KANSL3: variants seen among roughly 807,000 people sequenced by gnomAD.
The protein encoded by KANSL3 is KAT8 regulatory NSL complex subunit 3.
KANSL3 carries 16 observed loss-of-function variants against 89.2 expected under a neutral mutation model. The ratio of observed to expected loss-of-function variants is 0.18; its 90% CI spans 0.12 to 0.27. The LOEUF is 0.27. Among genes scored for constraint, KANSL3 ranks in the 10% least tolerant of loss-of-function variants. The probability of loss-of-function intolerance (pLI) is 1.00; values close to 1 mark genes in which losing one functional copy is unlikely to be tolerated. For missense variants in KANSL3, 879 were observed against 1,110.6 expected, an observed-to-expected ratio of 0.79 and a Z score of 2.96; for synonymous variants, 385 against 419.7, an observed-to-expected ratio of 0.92 and a Z score of 1.01.
chr2:96,621,565 G>A (rs898052179), intron 3 of KANSL3, among the ~76,000 whole-genome samples: 1 of 151,694 alleles, frequency 6.6e-6, no homozygotes, highest in African/African-American at 2.4e-5. Context: ...GCATGTGCCT[G>A]TAGTTCCAGA....
intron 11 of KANSL3, chr2:96,610,524 C>T: frequency 2.1e-6 from 1 of 474,178 alleles, no homozygotes; most frequent in Non-Finnish European, 3.8e-6. Flanking sequence ...ACCGTGTTAG[C>T]CAGGATGGTC....
At chr2:96,632,666 T>A (rs887214448) in intron 2 of KANSL3, among the ~76,000 whole-genome samples, 3 of 152,104 alleles carry the variant, frequency 2.0e-5, no homozygotes, top group African/African-American at 7.2e-5. Flanking sequence ...TGGAGAAAAG[T>A]GGCTAACAAG....
intron 14 of KANSL3, among the ~76,000 whole-genome samples, chr2:96,607,441 A>C (rs2068171460): frequency 6.6e-6 from 1 of 152,000 alleles, no homozygotes; most frequent in Admixed American, 6.6e-5. Flanking sequence ...CAGCCTTCCA[A>C]ACTCCTTAGA....
At position 96,612,883 on chromosome 2, in the gene KANSL3, T is replaced by A; in HGVS notation, c.847A>T (p.Ser283Cys). 6.4e-7 allele frequency: 1 copy of A among 1,572,166 alleles called. No homozygotes were observed. Among genetic ancestry groups the A allele is most frequent in the Non-Finnish European group, 8.6e-7 (1 of 1,158,956 alleles). ...LILIASSGPS[S>C]SVFPTSRRHR... ...CGGCGTGAAGTGGGAAACACAGAGCTGGAGGGACCAGAGGAGGCGATGAGA... is the reference window on the plus strand; with the variant it reads ...CGGCGTGAAGTGGGAAACACAGAGCAGGAGGGACCAGAGGAGGCGATGAGA... Residue 283 changes from serine (S) to cysteine (C), a missense_variant, in exon 7 of 21, where the codon AGC becomes TGC. Ser to Cys is a moderately radical substitution (Grantham distance 112). This residue lies in a region of KANSL3 where 198 missense variants were observed against 260.3 expected (regional missense o/e 0.76). Coordinates refer to ENST00000431828, the MANE Select transcript of KANSL3 (RefSeq NM_001115016.3).
intron 14 of KANSL3, 41 bp downstream of exon 14, chr2:96,608,467 G>T: frequency 6.2e-7 from 1 of 1,609,164 alleles, no homozygotes; most frequent in Non-Finnish European, 8.5e-7. Context: ...ATGAACTACA[G>T]AAGACAGACC....
At chr2:96,603,862 G>A (rs546726011) in intron 17 of KANSL3, 57 of 158,314 alleles carry the variant, frequency 3.6e-4, no homozygotes, top group African/African-American at 9.3e-4. Flanking sequence ...GAATTCCAAC[G>A]GTATGACATA....
At chr2:96,608,713 G>A (rs2068380829) in intron 13 of KANSL3, 49 bp from the exon 14 acceptor site, 1 of 1,609,786 alleles carries the variant, frequency 6.2e-7, no homozygotes, top group Middle Eastern at 1.7e-4. Context: ...ACTAGGATCT[G>A]ACCATGAGTC....
intron 5 of KANSL3, among the ~76,000 whole-genome samples, chr2:96,617,094 C>T (rs2070294158): frequency 6.6e-6 from 1 of 152,136 alleles, no homozygotes; most frequent in Non-Finnish European, 1.5e-5. Context: ...TCTGGGCCAC[C>T]ACTCTCTGTC....
At chr2:96,602,068 G>A in intron 19 of KANSL3, 48 bp downstream of exon 19, 2 of 1,510,576 alleles carry the variant, frequency 1.3e-6, no homozygotes, top group Non-Finnish European at 1.8e-6. Context: ...GGTCCTGGGG[G>A]AAAGATCCCA....
At position 96,637,197 on chromosome 2, in the gene KANSL3, A is replaced by G; in HGVS notation, c.-50-12T>C. ...TGCATGCTAGTCACCTGCAGTGAAA[A>G]GTTTCAGTTTAGGTCAATTCCAATA... On this transcript the variant is annotated splice_polypyrimidine_tract_variant and intron_variant, in intron 1 of 20. Transcript: ENST00000431828. The G allele has an allele frequency of 6.2e-6, 7 of 1,132,598 alleles. No homozygotes were observed. Among genetic ancestry groups the G allele is most frequent in the Non-Finnish European group, 8.9e-6 (7 of 784,394 alleles). The allele number at this position is 1,132,598 out of a possible 1,614,324, so 70.2% of individuals were successfully genotyped here.
downstream of KANSL3, among the ~76,000 whole-genome samples, chr2:96,588,937 A>G (rs2066257496): frequency 6.6e-6 from 1 of 152,176 alleles, no homozygotes. Context: ...AAAACTTACA[A>G]CACTGTCTAA....
chr2:96,627,366 C>T (rs1287363859), intron 3 of KANSL3, among the ~76,000 whole-genome samples: 1 of 152,104 alleles, frequency 6.6e-6, no homozygotes, highest in East Asian at 1.9e-4. Flanking sequence ...AGGCGTTTGC[C>T]ACCACACCAG....
downstream of KANSL3, among the ~76,000 whole-genome samples, chr2:96,592,553 ACCT>A (rs897148354): frequency 6.6e-6 from 1 of 151,768 alleles, no homozygotes; most frequent in African/African-American, 2.4e-5. Flanking sequence ...CCATCTCCTC[ACCT>A]CCTGGGTTAA....
Position 96,636,923 on chromosome 2 carries a change from G to A in KANSL3, c.213C>T (p.Thr71=), listed in dbSNP as rs1285698813. 2 of 1,520,432 alleles carry A rather than the reference G, an allele frequency of 1.3e-6. No individual in the cohort carries two copies. Among genetic ancestry groups the A allele is most frequent in the Admixed American group, 2.1e-5 (1 of 47,642 alleles). The allele number at this position is 1,520,432 out of a possible 1,614,324, so 94.2% of individuals were successfully genotyped here. ...FVTPRRQHES[T]IESDVPIDVE... is the part of the protein sequence containing the mutation. ...AGCCCTTAGAAGCCCCAACTCACAT[G>A]GTACTTTCGTGCTGCCGCCGGGGAG... Residue 71 remains threonine (T), a splice_region_variant and synonymous_variant, in exon 2 of 21, where the codon ACC becomes ACT. Coordinates refer to ENST00000431828, the MANE Select transcript of KANSL3 (RefSeq NM_001115016.3).
In KANSL3 at chr2:96,593,820, T is replaced by C. The variant is rs1374195614; in HGVS notation, c.*1791A>G. 5 of 153,682 alleles carry C rather than the reference T, an allele frequency of 3.3e-5. No homozygotes were observed. The highest frequency in any genetic ancestry group is 9.6e-5 in the African/African-American group (4 of 41,590). 9.5% of individuals were successfully genotyped at this position (153,682 alleles called of 1,614,324 possible). On this transcript the variant is annotated 3_prime_UTR_variant, in exon 21 of 21. Transcript: ENST00000431828. ...TGTCCACTGCTCTTTTGGTGTGGTA[T>C]GATCCTACCTGTAAAGCTATCAAAC...
intron 2 of KANSL3, among the ~76,000 whole-genome samples, chr2:96,632,773 T>C (rs561847734): frequency 1.3e-5 from 2 of 152,146 alleles, no homozygotes; most frequent in South Asian, 2.1e-4. Context: ...GAGACTATCC[T>C]GGCTAACATG....
intron 3 of KANSL3, among the ~76,000 whole-genome samples, chr2:96,626,982 A>C (rs1209192479): frequency 6.6e-6 from 1 of 152,244 alleles, no homozygotes; most frequent in Non-Finnish European, 1.5e-5. Context: ...ATGCACACCG[A>C]AATTTTAATT....
At chr2:96,584,739 A>G in the KANSL3 span, among the ~76,000 whole-genome samples, 2 of 152,164 alleles carry the variant, frequency 1.3e-5, no homozygotes, top group African/African-American at 4.8e-5. Flanking sequence ...GTGTATATAT[A>G]TATCCCATTT....
intron 12 of KANSL3, 70 bp downstream of exon 12, chr2:96,609,429 A>T (rs2068520382): frequency 1.4e-6 from 2 of 1,440,636 alleles, no homozygotes; most frequent in Non-Finnish European, 2.0e-6. Context: ...ACCACTACCA[A>T]TAAGACCAAA....
Sources: gnomAD v4.1 joint callset for allele counts (sites outside exome capture counted in the v4.1 genomes callset) on GRCh38, gnomAD v4.1.1 for gene constraint, gnomAD v4.1.1 regional missense constraint, MANE v1.5 for transcripts, NCBI Gene and HGNC (gene_info 2026-07-23, HGNC 2026-07-21) for gene names.